The following ATP8A1 variants were observed in gnomAD, a reference collection of about 807,000 sequenced individuals.
The protein encoded by ATP8A1 is phospholipid-transporting ATPase IA.
In ATP8A1, 90 loss-of-function variants were observed where a neutral mutation model predicts 177.7. That is an observed-to-expected ratio of 0.51 (90% CI 0.43 to 0.60). The LOEUF (loss-of-function observed/expected upper bound fraction) is 0.60, where lower values mean the gene tolerates loss of function less well. Among genes scored for constraint, ATP8A1 ranks in the 20% least tolerant of loss-of-function variants. The pLI is 0.00. For synonymous variants in ATP8A1, 493 were observed against 485.9 expected (o/e 1.01, Z -0.19); for missense variants, 1,072 against 1,392.8 (o/e 0.77, Z 3.67).
chr4:42,467,448 C>G (rs1187788589), intron 25 of ATP8A1, among the ~76,000 whole-genome samples: 1 of 152,112 alleles, frequency 6.6e-6, no homozygotes, highest in East Asian at 1.9e-4. Flanking sequence ...AATTCCAGCA[C>G]TTTGGGAGGC....
At chr4:42,624,299 T>C (rs1398844614) in intron 4 of ATP8A1, among the ~76,000 whole-genome samples, 2 of 152,104 alleles carry the variant, frequency 1.3e-5, no homozygotes, top group African/African-American at 4.8e-5. Context: ...TTACAGTAAA[T>C]TAATTTCTTT....
rs10027763 is a variant in ATP8A1 at position 42,512,609 on chromosome 4, C to T, written c.1948-5455G>A. 9.6e-3 allele frequency among the ~76,000 whole-genome samples: 1,461 copies of T among 152,322 alleles called. 16 individuals carry two copies. The highest frequency in any genetic ancestry group is 0.033 in the African/African-American group (1,364 of 41,578). ...GCTGCCTCGTTTTCTAACTGTACCTCCTTGCCTTACTGGTGTTTCTCCTAA... is the reference window on the plus strand; with the variant it reads ...GCTGCCTCGTTTTCTAACTGTACCTTCTTGCCTTACTGGTGTTTCTCCTAA... On this transcript the variant is annotated intron_variant, in intron 22 of 36. Transcript: ENST00000381668.
chr4:42,472,107 AT>A, intron 25 of ATP8A1: 1 of 697,414 alleles, frequency 1.4e-6, no homozygotes, highest in Non-Finnish European at 2.7e-6. Context: ...TCAGAGGAGA[AT>A]TCTGCCTAAG....
At chr4:42,624,466 A>G in intron 4 of ATP8A1, 70 bp downstream of exon 4, 1 of 844,016 alleles carries the variant, frequency 1.2e-6, no homozygotes, top group Non-Finnish European at 1.8e-6. Flanking sequence ...ATAATTTAAG[A>G]AAAAACTAAT....
intron 5 of ATP8A1, among the ~76,000 whole-genome samples, chr4:42,608,363 A>T (rs1261537469): frequency 7.2e-5 from 10 of 138,632 alleles, no homozygotes; most frequent in South Asian, 2.3e-4. Flanking sequence ...CAATAATATC[A>T]TTTTTTTTTT....
intron 33 of ATP8A1, among the ~76,000 whole-genome samples, chr4:42,434,106 C>T (rs747451532): frequency 6.6e-6 from 1 of 151,956 alleles, no homozygotes; most frequent in Non-Finnish European, 1.5e-5. Flanking sequence ...AAACATAATT[C>T]GTTTTATTTT....
intron 20 of ATP8A1, among the ~76,000 whole-genome samples, chr4:42,530,602 G>GCTCACTGGTCTTACCATGGAA (rs1354945079): frequency 2.0e-5 from 3 of 152,170 alleles, no homozygotes; most frequent in Non-Finnish European, 4.4e-5. Flanking sequence ...GTGGCAGTGG[G>GCTCACTGGTCTTACCATGGAA]CTCACTGGTC....
rs796067615 is a variant in ATP8A1, at chr4:42,635,752, T to TAC, written c.50-8644_50-8643insGT. Among the ~76,000 whole-genome samples, 68 of 70,806 alleles carry TAC rather than the reference T, an allele frequency of 9.6e-4. No individual in the cohort carries two copies. The East Asian group carries it at 0.011, about 12-fold the overall frequency. 46.5% of individuals were successfully genotyped at this position (70,806 alleles called of 152,430 possible). A position where few individuals can be genotyped will look rare whatever the true frequency, so the allele number is the denominator to read the frequency against. The stretch of plus-strand genomic sequence containing the variant: ...ATACATACACACATATATACATATA[T>TAC]ATACACACACACACACACACACACA... On this transcript the variant is annotated intron_variant, in intron 1 of 36. Transcript: ENST00000381668.
At chr4:42,491,760 A>G (rs1722765061) in intron 24 of ATP8A1, among the ~76,000 whole-genome samples, 2 of 152,210 alleles carry the variant, frequency 1.3e-5, no homozygotes. Context: ...GATGGCCCCT[A>G]AAGTAATGCT....
chr4:42,645,841 C>G (rs769377565), intron 1 of ATP8A1, among the ~76,000 whole-genome samples: 12 of 151,934 alleles, frequency 7.9e-5, no homozygotes, highest in Non-Finnish European at 1.3e-4. Context: ...TAGACTGAAC[C>G]CAGCTTAACA....
chr4:42,637,236 C>T, intron 1 of ATP8A1: 3 of 518,186 alleles, frequency 5.8e-6, no homozygotes, highest in Admixed American at 3.9e-5. Context: ...CTACCTGGAA[C>T]CTTCCCCAAC....
intron 20 of ATP8A1, among the ~76,000 whole-genome samples, chr4:42,542,135 A>G (rs2153206218): frequency 6.6e-6 from 1 of 152,256 alleles, no homozygotes; most frequent in East Asian, 1.9e-4. Context: ...GGCAGGGTGT[A>G]TATGTGGACT....
At chr4:42,468,430 T>TACACACAC (rs139371340) in intron 25 of ATP8A1, among the ~76,000 whole-genome samples, 13,778 of 150,434 alleles carry the variant, frequency 0.092, 798 homozygotes, top group Admixed American at 0.15. Flanking sequence ...ATATATTTTA[T>TACACACAC]ACACACACAC....
intron 33 of ATP8A1, among the ~76,000 whole-genome samples, chr4:42,435,935 TTTG>T (rs1715943094): frequency 6.6e-6 from 1 of 152,228 alleles, no homozygotes; most frequent in African/African-American, 2.4e-5. Context: ...CATTTAGTCA[TTTG>T]TTAACTGGTT....
At chr4:42,635,149 T>G (rs758279651) in intron 1 of ATP8A1, among the ~76,000 whole-genome samples, 4 of 152,110 alleles carry the variant, frequency 2.6e-5, no homozygotes, top group Non-Finnish European at 4.4e-5. Flanking sequence ...TTTGGTCAAT[T>G]AATATTGAGT....
At position 42,446,098 on chromosome 4, in the gene ATP8A1, A is replaced by AAAAAAAAAAAAAG. The variant is rs1553874360; in HGVS notation, c.2958+484_2958+485insCTTTTTTTTTTTT. 2.2e-4 allele frequency among the ~76,000 whole-genome samples: 32 copies of AAAAAAAAAAAAAG among 146,964 alleles called. 1 individual carries two copies. The highest frequency in any genetic ancestry group is 3.5e-3 in the Middle Eastern group (1 of 286). On this transcript the variant is annotated intron_variant, in intron 31 of 36. Coordinates refer to ENST00000381668, the MANE Select transcript of ATP8A1 (RefSeq NM_006095.2). The stretch of plus-strand genomic sequence containing the variant: ...GCCCTCTCAAAAAAAAAAAAAAAAA[A>AAAAAAAAAAAAAG]AGAGAAGAGATATAGTTTGAAATAA...
intron 22 of ATP8A1, among the ~76,000 whole-genome samples, chr4:42,515,519 C>G (rs978227319): frequency 6.6e-6 from 1 of 152,138 alleles, no homozygotes; most frequent in Non-Finnish European, 1.5e-5. Flanking sequence ...AATGGTTGAT[C>G]TATATTACGC....
chr4:42,651,228 G>C (rs1046426702), intron 1 of ATP8A1, among the ~76,000 whole-genome samples: 1 of 152,036 alleles, frequency 6.6e-6, no homozygotes, highest in African/African-American at 2.4e-5. Flanking sequence ...GCCCAGTCTC[G>C]GTACGTCTTC....
In ATP8A1 at chr4:42,556,819, A is replaced by G. The variant is rs986315389; in HGVS notation, c.1341-779T>C. The stretch of plus-strand genomic sequence containing the variant: ...GTATAGTTTGCAAAATTTAGTGAAA[A>G]TATATACATTTGAGGTTTAGTGCAC... On this transcript the variant is annotated intron_variant, in intron 15 of 36. Transcript: ENST00000381668. Among the ~76,000 whole-genome samples the G allele has an allele frequency of 8.5e-5, 13 of 152,300 alleles. No homozygotes were observed. The East Asian group carries it at 2.5e-3, about 29-fold the overall frequency.
Sources: allele counts gnomAD v4.1 joint callset (sites outside exome capture counted in the v4.1 genomes callset), GRCh38; gene constraint gnomAD v4.1.1; transcripts MANE v1.5; gene names NCBI Gene and HGNC (gene_info 2026-07-23, HGNC 2026-07-21).